ANKRD12: variants seen among roughly 807,000 people sequenced by gnomAD.
The protein encoded by ANKRD12 is ankyrin repeat domain-containing protein 12.
ANKRD12 carries 85 observed loss-of-function variants against 183.4 expected under a neutral mutation model. That is an observed-to-expected ratio of 0.46 (90% CI 0.39 to 0.56). The LOEUF (loss-of-function observed/expected upper bound fraction) is 0.56, where lower values mean the gene tolerates loss of function less well. ANKRD12 is among the 20% of genes least tolerant of loss of function. The pLI is 0.00. For missense variants in ANKRD12, 2,405 were observed against 2,357.1 expected, an observed-to-expected ratio of 1.02 and a Z score of -0.42; for synonymous variants, 914 against 800.2, an observed-to-expected ratio of 1.14 and a Z score of -2.40.
intron 2 of ANKRD12, 87 bp downstream of exon 2, chr18:9,182,606 A>C (rs1039954650): frequency 1.8e-5 from 14 of 794,788 alleles, no homozygotes; most frequent in Non-Finnish European, 2.5e-5. Flanking sequence ...CTCGTAAGAT[A>C]AAAACCAATA....
intron 2 of ANKRD12, among the ~76,000 whole-genome samples, chr18:9,192,297 C>A (rs924281495): frequency 6.6e-6 from 1 of 152,164 alleles, no homozygotes; most frequent in East Asian, 1.9e-4. Flanking sequence ...ATTCTTGTCA[C>A]TTTGTTCTTG....
chr18:9,195,191 G>A (rs990504742), intron 2 of ANKRD12, among the ~76,000 whole-genome samples: 9 of 152,142 alleles, frequency 5.9e-5, no homozygotes, highest in African/African-American at 2.2e-4. Flanking sequence ...AGGGTGGAGG[G>A]TGGGAGGAGG....
chr18:9,240,153 C>T (rs1196324189), intron 8 of ANKRD12, among the ~76,000 whole-genome samples: 1 of 152,142 alleles, frequency 6.6e-6, no homozygotes, highest in Non-Finnish European at 1.5e-5. Flanking sequence ...GCAGGTTTGC[C>T]TGTCTTTATG....
chr18:9,270,641 A>T (rs185802927), intron 10 of ANKRD12, among the ~76,000 whole-genome samples: 74 of 152,316 alleles, frequency 4.9e-4, no homozygotes, highest in African/African-American at 1.7e-3. Flanking sequence ...GGGGAGGGAT[A>T]GCATTAGGAG....
At chr18:9,144,596 A>G (rs1249570644) in intron 1 of ANKRD12, among the ~76,000 whole-genome samples, 2 of 152,208 alleles carry the variant, frequency 1.3e-5, no homozygotes, top group Non-Finnish European at 2.9e-5. Flanking sequence ...GTGCTAATAG[A>G]CTGGCAGAGG....
In ANKRD12 at chr18:9,258,077, T is replaced by C; in HGVS notation, c.4810T>C (p.Tyr1604His). The C allele has an allele frequency of 1.2e-6, 2 of 1,613,302 alleles. No individual in the cohort carries two copies. The highest frequency in any genetic ancestry group is 1.7e-6 in the Non-Finnish European group (2 of 1,179,956). Residue 1604 changes from tyrosine to histidine, a missense_variant, in exon 9 of 13, where the codon TAT (tyrosine) becomes CAT (histidine). Physicochemically the swap from Tyr to His is moderately conservative, Grantham distance 83 (BLOSUM62 2). This residue lies in a region of ANKRD12 where 1,983 missense variants were observed against 1,725.9 expected (regional missense o/e 1.15). Transcript: ENST00000262126. Reference protein sequence around the residue: ...SDASTQLNTHYAFSKLTYKSS... With the variant: ...SDASTQLNTHHAFSKLTYKSS... ...TGCCTCTACCCAGCTAAATACACAT[T>C]ATGCATTTAGCAAACTAACTTACAA...
chr18:9,210,753 C>A, intron 5 of ANKRD12, among the ~76,000 whole-genome samples: 1 of 93,726 alleles, frequency 1.1e-5, no homozygotes, highest in Non-Finnish European at 2.4e-5. Flanking sequence ...AAAAGATGAA[C>A]CTTACACTTT....
Position 9,254,830 on chromosome 18 carries a change from T to G in ANKRD12, c.1563T>G (p.Phe521Leu). 1 of 1,486,708 alleles carries G rather than the reference T, an allele frequency of 6.7e-7. No homozygotes were observed. Among genetic ancestry groups the G allele is most frequent in the South Asian group, 1.5e-5 (1 of 67,284 alleles). The allele number at this position is 1,486,708 out of a possible 1,614,324, so 92.1% of individuals were successfully genotyped here. ...CSEKTREEGNFRKSFSPKDDT... is the reference protein window; with the variant it reads ...CSEKTREEGNLRKSFSPKDDT... ...AAAAGACCAGAGAGGAGGGGAACTT[T>G]AGGAAATCTTTTAGCCCAAAAGATG... The change falls in exon 9 of 13, where the codon TTT (phenylalanine) becomes TTG (leucine). Residue 521 changes from phenylalanine (F) to leucine (L), a missense_variant. Physicochemically the swap from Phe to Leu is conservative, Grantham distance 22. Around this residue, in one of 7 missense-constraint regions of ANKRD12, gnomAD observed 1,983 missense variants for 1,725.9 expected, o/e 1.15. Coordinates refer to ENST00000262126, the MANE Select transcript of ANKRD12 (RefSeq NM_015208.5).
chr18:9,275,299 T>TAA (rs1433649903), intron 10 of ANKRD12, among the ~76,000 whole-genome samples: 4 of 122,076 alleles, frequency 3.3e-5, no homozygotes, highest in East Asian at 4.3e-4. Flanking sequence ...ACTTTGTCTC[T>TAA]AAAAATATAT....
intron 8 of ANKRD12, among the ~76,000 whole-genome samples, chr18:9,224,102 A>G (rs938521306): frequency 3.9e-5 from 6 of 152,228 alleles, no homozygotes; most frequent in Non-Finnish European, 7.3e-5. Flanking sequence ...GACAAGATTA[A>G]CTAGAACATC....
Position 9,256,691 on chromosome 18 carries a change from A to G in ANKRD12, c.3424A>G (p.Lys1142Glu), listed in dbSNP as rs779688700. 9 of 1,605,682 alleles carry G rather than the reference A, an allele frequency of 5.6e-6. No homozygotes were observed. Among genetic ancestry groups the G allele is most frequent in the Non-Finnish European group, 7.6e-6 (9 of 1,177,954 alleles). ...CAAAAATAAAGAACTTACTAGGTCAAAGAGTTCAGAAGTGACTGATGCATA... is the reference window on the plus strand; with the variant it reads ...CAAAAATAAAGAACTTACTAGGTCAGAGAGTTCAGAAGTGACTGATGCATA... ...ESKNKELTRS[K>E]SSEVTDAYTK... Residue 1142 changes from lysine to glutamate, a missense_variant, in exon 9 of 13, where the codon AAG becomes GAG. Transcript: ENST00000262126.
chr18:9,203,865 G>A (rs532554989), intron 3 of ANKRD12, among the ~76,000 whole-genome samples: 1 of 152,168 alleles, frequency 6.6e-6, no homozygotes, highest in East Asian at 1.9e-4. Context: ...TTGGCCTCCC[G>A]AAGTGCTGGG....
rs543836790 is a variant in ANKRD12, at chr18:9,204,352, T to C, written c.236-124T>C. ...TATAATTTTGGCTTTACTTTAAAAA[T>C]AATCTTTTGGCAAAACAATAATAGC... On this transcript the variant is annotated intron_variant, in intron 3 of 12. Coordinates refer to ENST00000262126, the MANE Select transcript of ANKRD12 (RefSeq NM_015208.5). 8.5e-6 allele frequency: 6 copies of C among 709,550 alleles called. No homozygotes were observed. In the South Asian group the frequency reaches 1.1e-4, roughly 13 times the overall value. The allele number at this position is 709,550 out of a possible 1,614,324, so 44.0% of individuals were successfully genotyped here.
intron 10 of ANKRD12, among the ~76,000 whole-genome samples, chr18:9,268,981 GACAA>G (rs937388652): frequency 5.9e-5 from 9 of 152,034 alleles, no homozygotes; most frequent in African/African-American, 1.2e-4. Flanking sequence ...ACCAATAACA[GACAA>G]ACAGAGCCAA....
intron 11 of ANKRD12, 31 bp downstream of exon 11, chr18:9,275,698 A>G (rs753956672): frequency 4.7e-6 from 7 of 1,495,076 alleles, no homozygotes; most frequent in Admixed American, 4.0e-5. Flanking sequence ...TTTAGAAGTA[A>G]TGGTCTGAAA....
In ANKRD12 at chr18:9,263,847, G is replaced by T; in HGVS notation, c.5722G>T (p.Val1908Phe). 6.5e-7 allele frequency: 1 copy of T among 1,540,168 alleles called. No homozygotes were observed. The highest frequency in any genetic ancestry group is 8.9e-7 in the Non-Finnish European group (1 of 1,119,364). Residue 1908 changes from valine to phenylalanine, a missense_variant, in exon 10 of 13, where the codon GTT (valine) becomes TTT (phenylalanine). By Grantham distance (50) the Val-to-Phe change is conservative. Around this residue, in one of 7 missense-constraint regions of ANKRD12, gnomAD observed 162 missense variants for 272.2 expected, o/e 0.60. Transcript: ENST00000262126. The stretch of plus-strand genomic sequence containing the variant: ...TAAAGAGCTTTTTCGACAACAGGAA[G>T]TTGTAAGGATGAAACTACGTTTGCA... ...PLKELFRQQEVVRMKLRLQHS... is the reference protein window; with the variant it reads ...PLKELFRQQEFVRMKLRLQHS...
intron 8 of ANKRD12, among the ~76,000 whole-genome samples, chr18:9,233,472 T>C (rs1222793569): frequency 2.0e-5 from 3 of 152,048 alleles, no homozygotes; most frequent in Admixed American, 1.3e-4. Flanking sequence ...GGGTGTCATA[T>C]TTCCTTCTTT....
In ANKRD12 at chr18:9,176,524, C is replaced by T. The variant is rs113252669; in HGVS notation, c.-51-5858C>T. 4.0e-3 allele frequency among the ~76,000 whole-genome samples: 606 copies of T among 152,120 alleles called. 3 individuals are homozygous for T. The highest frequency in any genetic ancestry group is 0.014 in the African/African-American group (572 of 41,482). On this transcript the variant is annotated intron_variant, in intron 1 of 12. Coordinates refer to ENST00000262126, the MANE Select transcript of ANKRD12 (RefSeq NM_015208.5). Reference sequence around the variant, plus strand: ...CAGACTGCTCTTAAACTCCTGAGCTCAAGCAGTCTGTCTGCCTCAGCCTCC... The same window carrying T: ...CAGACTGCTCTTAAACTCCTGAGCTTAAGCAGTCTGTCTGCCTCAGCCTCC...
chr18:9,167,854 T>G lies in ANKRD12; in HGVS notation c.-51-14528T>G, dbSNP rs532690554. On this transcript the variant is annotated intron_variant, in intron 1 of 12. Coordinates refer to ENST00000262126, the MANE Select transcript of ANKRD12 (RefSeq NM_015208.5). ...ATTCAGTATGATATTGGCTGTGGGT[T>G]TGTCATACATAGCTCTTATTGTTTT... is the stretch of plus-strand genomic sequence containing the variant. Among the ~76,000 whole-genome samples the G allele has an allele frequency of 4.6e-5, 7 of 152,320 alleles. No individual in the cohort carries two copies. The East Asian group carries it at 5.8e-4, about 13-fold the overall frequency.
Sources: allele counts gnomAD v4.1 joint callset (sites outside exome capture counted in the v4.1 genomes callset), GRCh38; gene constraint gnomAD v4.1.1; regional missense constraint gnomAD v4.1.1; transcripts MANE v1.5; gene names NCBI Gene and HGNC (gene_info 2026-07-23, HGNC 2026-07-21).